The following NAALADL1 variants were observed in gnomAD, a reference collection of about 807,000 sequenced individuals.
NAALADL1 encodes N-acetylated alpha-linked acidic dipeptidase like 1.
Under a neutral mutation model 82.8 loss-of-function variants are expected in NAALADL1, and 77 were observed. That is an observed-to-expected ratio of 0.93 (90% CI 0.77 to 1.12). The LOEUF is 1.12. Among genes scored for constraint, NAALADL1 ranks in the 50% most tolerant of loss-of-function variants. The pLI is 0.00. For missense variants in NAALADL1, 956 were observed against 964.0 expected, an observed-to-expected ratio of 0.99 and a Z score of 0.11; for synonymous variants, 358 against 399.2, an observed-to-expected ratio of 0.90 and a Z score of 1.23.
At chr11:65,058,573 A>G (rs768751064), upstream of NAALADL1, 19 of 1,464,902 alleles carry the variant, frequency 1.3e-5, no homozygotes, top group Admixed American at 1.8e-4. Flanking sequence ...GTTATTCCCT[A>G]TAGAGGGGGT....
At chr11:65,049,477 G>C (rs560528588) in intron 8 of NAALADL1, among the ~76,000 whole-genome samples, 1 of 152,302 alleles carries the variant, frequency 6.6e-6, no homozygotes, top group South Asian at 2.1e-4. Flanking sequence ...GATCATGAAA[G>C]ACAAAGAACA....
Position 65,053,304 on chromosome 11 carries a change from C to A in NAALADL1, c.1112G>T (p.Ser371Ile), listed in dbSNP as rs1237925040. The change falls in exon 8 of 18, where the codon AGC becomes ATC. Residue 371 changes from serine (S) to isoleucine (I), a missense_variant. Physicochemically the swap from Ser to Ile is moderately radical, Grantham distance 142. Transcript: ENST00000358658. This position sits in a 1 kb window ranked among gnomAD's most constrained non-coding sequence, Gnocchi z 4.3. ...RYVLYGNHRD[S>I]WVHGAVDPSS... is the part of the protein sequence containing the mutation. ...GGGGTCCACAGCCCCGTGCACCCAG[C>A]TGTCTCGGTGGTTCCCATACAGCAC... The A allele has an allele frequency of 2.6e-6, 4 of 1,562,482 alleles. No individual in the cohort carries two copies. The highest frequency in any genetic ancestry group is 3.5e-6 in the Non-Finnish European group (4 of 1,153,672).
chr11:65,058,999 C>G (rs1432604839), upstream of NAALADL1, among the ~76,000 whole-genome samples: 2 of 152,070 alleles, frequency 1.3e-5, no homozygotes, highest in African/African-American at 2.4e-5. Context: ...ATCCACTCAG[C>G]TTCTCTACAC....
chr11:65,048,393 T>C lies in NAALADL1; in HGVS notation c.1199-8A>G. 6.2e-7 allele frequency: 1 copy of C among 1,614,036 alleles called. No individual in the cohort carries two copies. Among genetic ancestry groups the C allele is most frequent in the Non-Finnish European group, 8.5e-7 (1 of 1,179,996 alleles). On this transcript the variant is annotated splice_polypyrimidine_tract_variant and splice_region_variant and intron_variant, in intron 8 of 17. Coordinates refer to ENST00000358658, the MANE Select transcript of NAALADL1 (RefSeq NM_005468.3). ...TGCGAGGACGCCAGGTGCCTGGGAATGGGGGATAGAGGGTTGGAGGACAGG... is the reference window on the plus strand; with the variant it reads ...TGCGAGGACGCCAGGTGCCTGGGAACGGGGGATAGAGGGTTGGAGGACAGG...
rs138509544 is a variant in NAALADL1, at chr11:65,057,313, G to T, written c.603+58C>A. On this transcript the variant is annotated intron_variant, in intron 4 of 17. Transcript: ENST00000358658. Reference sequence around the variant, plus strand: ...CTTCCCCTTCCCCTCACTTCCTCCAGTCCACTGCCCAGCCCCTTCCTCACC... The same window carrying T: ...CTTCCCCTTCCCCTCACTTCCTCCATTCCACTGCCCAGCCCCTTCCTCACC... The T allele has an allele frequency of 3.0e-3, 4,626 of 1,534,208 alleles. 8 individuals carry two copies. Among genetic ancestry groups the T allele is most frequent in the Non-Finnish European group, 3.6e-3 (4,118 of 1,141,632 alleles).
chr11:65,053,663 AAAGTGACGTGGC>A lies in NAALADL1; in HGVS notation c.993-99_993-88del. On this transcript the variant is annotated intron_variant, in intron 6 of 17. Coordinates refer to ENST00000358658, the MANE Select transcript of NAALADL1 (RefSeq NM_005468.3). This position sits in a 1 kb window ranked among gnomAD's most constrained non-coding sequence, Gnocchi z 4.3. ...AGGAGACACTGAGGCCCGGAGCTGG[AAAGTGACGTGGC>A]AAGGCCATTCATTGGCCCCGAAGTA... 4 of 1,225,356 alleles carry A rather than the reference AAAGTGACGTGGC, an allele frequency of 3.3e-6. No individual in the cohort carries two copies. The South Asian group carries it at 6.1e-5, about 19-fold the overall frequency. The allele number at this position is 1,225,356 out of a possible 1,614,324, so 75.9% of individuals were successfully genotyped here.
chr11:65,056,699 G>A (rs949087922), intron 4 of NAALADL1, among the ~76,000 whole-genome samples: 22 of 145,282 alleles, frequency 1.5e-4, no homozygotes, highest in Admixed American at 4.2e-4. Context: ...GAGCCACCAC[G>A]CCCATGCCCA....
intron 4 of NAALADL1, among the ~76,000 whole-genome samples, chr11:65,056,140 C>T (rs1358933078): frequency 3.9e-5 from 6 of 152,018 alleles, no homozygotes; most frequent in Admixed American, 6.6e-5. Flanking sequence ...CTGCCTTGGC[C>T]TCCGAAAGTG....
rs1264866219 is a variant in NAALADL1 at position 65,044,923 on chromosome 11, G to T, written c.*348C>A. 1.7e-5 allele frequency: 12 copies of T among 698,692 alleles called. No homozygotes were observed. The highest frequency in any genetic ancestry group is 2.8e-5 in the Non-Finnish European group (12 of 429,458). The allele number at this position is 698,692 out of a possible 1,614,324, so 43.3% of individuals were successfully genotyped here. On this transcript the variant is annotated 3_prime_UTR_variant, in exon 18 of 18. Transcript: ENST00000358658. The surrounding 1 kb of genome is among the most constrained non-coding windows in gnomAD (Gnocchi z 4.0). Reference sequence around the variant, plus strand: ...GAACGCAGACTAGCCAAGGCCTAAGGTACCCCAAGACTCACTTTCGCCACT... The same window carrying T: ...GAACGCAGACTAGCCAAGGCCTAAGTTACCCCAAGACTCACTTTCGCCACT...
In NAALADL1 at chr11:65,053,402, G is replaced by A; in HGVS notation, c.1079-65C>T. On this transcript the variant is annotated intron_variant, in intron 7 of 17. Transcript: ENST00000358658. This position sits in a 1 kb window ranked among gnomAD's most constrained non-coding sequence, Gnocchi z 4.3. Reference sequence around the variant, plus strand: ...AGAGGTGGGCAGGGGGAGCTGGGCTGGGTGGTGGCAAGGGCAGGGCTGGAT... The same window carrying A: ...AGAGGTGGGCAGGGGGAGCTGGGCTAGGTGGTGGCAAGGGCAGGGCTGGAT... 1 of 1,612,708 alleles carries A rather than the reference G, an allele frequency of 6.2e-7. No homozygotes were observed. The highest frequency in any genetic ancestry group is 8.5e-7 in the Non-Finnish European group (1 of 1,179,342).
rs1281233641 is a variant in NAALADL1 at position 65,058,223 on chromosome 11, G to A, written c.213C>T (p.Ala71=). ...CCAGGTCCTCATCCCGAGGGCTGGA[G>A]GCCAGGTGTGGCTCCCTGGAGAGTT... The part of the protein sequence containing the change: ...LRELSREPHL[A]SSPRDEDLVQ... Residue 71 remains alanine, a synonymous_variant, in exon 2 of 18, where the codon GCC becomes GCT. Coordinates refer to ENST00000358658, the MANE Select transcript of NAALADL1 (RefSeq NM_005468.3). 6 of 1,613,552 alleles carry A rather than the reference G, an allele frequency of 3.7e-6. No individual in the cohort carries two copies. Among genetic ancestry groups the A allele is most frequent in the Non-Finnish European group, 5.1e-6 (6 of 1,179,800 alleles).
chr11:65,046,511 TG>T lies in NAALADL1; in HGVS notation c.1614del (p.Arg539GlyfsTer37). On this transcript the variant is annotated frameshift_variant, in exon 14 of 18. Transcript: ENST00000358658. LOFTEE classifies it high-confidence loss of function. The stretch of plus-strand genomic sequence containing the variant: ...GCTGTGTGGTAGGTGGGGTAGATCC[TG>T]GCTGAAGTCTTGCTCTGGGGGAACA... ...AYTYDRSKTS[A>X]RIYPTYHTAF... 6.2e-7 allele frequency: 1 copy of T among 1,614,160 alleles called. No individual in the cohort carries two copies. Among genetic ancestry groups the T allele is most frequent in the Non-Finnish European group, 8.5e-7 (1 of 1,180,022 alleles).
At position 65,045,768 on chromosome 11, in the gene NAALADL1, G is replaced by A. The variant is rs777218029; in HGVS notation, c.2036+54C>T. ...CTGACCACCTCGTCTCAGGTGGGGA[G>A]CCATTGTCCGGCCCCACCTGGAGGC... On this transcript the variant is annotated intron_variant, in intron 17 of 17. Transcript: ENST00000358658. The A allele has an allele frequency of 4.6e-6, 7 of 1,521,184 alleles. No homozygotes were observed. The East Asian group carries it at 1.6e-4, about 35-fold the overall frequency. 94.2% of individuals were successfully genotyped at this position (1,521,184 alleles called of 1,614,324 possible).
upstream of NAALADL1, among the ~76,000 whole-genome samples, chr11:65,061,162 G>A (rs1947181877): frequency 6.6e-6 from 1 of 152,148 alleles, no homozygotes; most frequent in Admixed American, 6.6e-5. Context: ...GCAGAGTCAC[G>A]TGGCCTCCCG....
intron 11 of NAALADL1, 99 bp downstream of exon 11, chr11:65,047,882 A>G (rs1479920523): frequency 6.8e-7 from 1 of 1,463,824 alleles, no homozygotes; most frequent in African/African-American, 1.4e-5. Context: ...GCAGATCTAG[A>G]GAGTACCACT....
chr11:65,047,639 G>C lies in NAALADL1; in HGVS notation c.1508+8C>G, dbSNP rs974198400. 6.3e-7 allele frequency: 1 copy of C among 1,599,334 alleles called. No homozygotes were observed. The highest frequency in any genetic ancestry group is 2.3e-5 in the East Asian group (1 of 44,324). On this transcript the variant is annotated splice_region_variant and intron_variant, in intron 12 of 17. Transcript: ENST00000358658. ...TCGCTCCGGGCCCCCTTCTGTCCCT[G>C]GGCTTACCTGGGGACCAGGCCGTAC...
At chr11:65,057,519 A>G (rs1565246580) in intron 3 of NAALADL1, 26 bp from the exon 4 acceptor site, 1 of 1,602,284 alleles carries the variant, frequency 6.2e-7, no homozygotes, top group Non-Finnish European at 8.5e-7. Context: ...GGTGATCCTT[A>G]GAGCTGGGCC....
At chr11:65,056,650 G>A (rs1224609744) in intron 4 of NAALADL1, among the ~76,000 whole-genome samples, 2 of 150,426 alleles carry the variant, frequency 1.3e-5, no homozygotes, top group Non-Finnish European at 3.0e-5. Context: ...CAGGCAATCC[G>A]CCTGCCTTGG....
chr11:65,046,221 C>G lies in NAALADL1; in HGVS notation c.1823G>C (p.Gly608Ala). ...SFLQAAQQDLGALLEQHSISL... is the reference protein window; with the variant it reads ...SFLQAAQQDLAALLEQHSISL... ...GATGCTGTGCTGCTCCAGCAGGGCC[C>G]CAAGATCTTGCTGGGCTGCCTGCAG... The change falls in exon 15 of 18, where the codon GGG (glycine) becomes GCG (alanine). Residue 608 changes from glycine (G) to alanine (A), a missense_variant. Transcript: ENST00000358658. 1 of 1,614,098 alleles carries G rather than the reference C, an allele frequency of 6.2e-7. No individual in the cohort carries two copies. The highest frequency in any genetic ancestry group is 2.2e-5 in the East Asian group (1 of 44,890).
Sources: gnomAD v4.1 joint callset for allele counts (sites outside exome capture counted in the v4.1 genomes callset) on GRCh38, gnomAD v4.1.1 for gene constraint, Gnocchi (gnomAD v3.1) non-coding constraint, MANE v1.5 for transcripts, NCBI Gene and HGNC (gene_info 2026-07-23, HGNC 2026-07-21) for gene names.